Variants in COX7C observed in about 807,000 individuals in gnomAD.
COX7C encodes cytochrome c oxidase subunit 7C, mitochondrial.
COX7C carries 1 observed loss-of-function variant against 6.4 expected under a neutral mutation model. The ratio of observed to expected loss-of-function variants is 0.16; its 90% confidence interval spans 0.06 to 0.74. The LOEUF is 0.74. Among genes scored for constraint, COX7C ranks in the 30% least tolerant of loss-of-function variants. COX7C has a pLI of 0.78. For synonymous variants in COX7C, 24 were observed against 28.9 expected, an observed-to-expected ratio of 0.83 and a Z score of 0.54; for missense variants, 54 against 73.7, an observed-to-expected ratio of 0.73 and a Z score of 0.98.
intron 1 of COX7C, among the ~76,000 whole-genome samples, chr5:86,618,520 G>A (rs909741544): frequency 6.6e-6 from 1 of 152,198 alleles, no homozygotes; most frequent in African/African-American, 2.4e-5. Flanking sequence ...TATGGAACAG[G>A]CTTTTTAAAC....
Position 86,617,995 on chromosome 5 carries a change from A to G in COX7C, c.-61A>G. ...GGTCGTGAAAAAAAAGGTCTTGGTG[A>G]GGTGCCGCCATTTCATCTGTCCTCA... On this transcript the variant is annotated 5_prime_UTR_variant, in exon 1 of 3. Coordinates refer to ENST00000247655, the MANE Select transcript of COX7C (RefSeq NM_001867.3). 6.6e-7 allele frequency: 1 copy of G among 1,520,488 alleles called. No homozygotes were observed. 94.2% of individuals were successfully genotyped at this position (1,520,488 alleles called of 1,614,324 possible). A position where few individuals can be genotyped will look rare whatever the true frequency, so the allele number is the denominator to read the frequency against.
At position 86,619,513 on chromosome 5, in the gene COX7C, T is replaced by C. The variant is rs1750074466; in HGVS notation, c.*27+17T>C. The C allele has an allele frequency of 7.8e-7, 1 of 1,281,874 alleles. No individual in the cohort carries two copies. 79.4% of individuals were successfully genotyped at this position (1,281,874 alleles called of 1,614,324 possible). The stretch of plus-strand genomic sequence containing the variant: ...ATTTAACAGGTAGTTAGTGGATTTC[T>C]AATCATGTTAAAGCAGGCCTTTTTA... On this transcript the variant is annotated intron_variant, in intron 2 of 2. Transcript: ENST00000247655.
chr5:86,620,199 G>A (rs1378377920), intron 2 of COX7C: 1 of 152,396 alleles, frequency 6.6e-6, no homozygotes, highest in Non-Finnish European at 1.5e-5. Context: ...TCTTAAATGA[G>A]GATGATTTTA....
chr5:86,618,377 C>A, intron 1 of COX7C: 3 of 489,662 alleles, frequency 6.1e-6, no homozygotes, highest in Non-Finnish European at 1.1e-5. Flanking sequence ...CGCCCCCTCC[C>A]CCGCCCCGCA....
At chr5:86,618,978 C>CAA (rs368187717) in intron 1 of COX7C, among the ~76,000 whole-genome samples, 10 of 62,426 alleles carry the variant, frequency 1.6e-4, no homozygotes, top group African/African-American at 3.3e-4. Context: ...GACTCCGTCT[C>CAA]AAAAAAAAAA....
At chr5:86,619,889 T>C (rs1229982683) in intron 2 of COX7C, 2 of 164,788 alleles carry the variant, frequency 1.2e-5, no homozygotes, top group Admixed American at 1.1e-4. Context: ...GTAAAACTGA[T>C]AAACTGATTA....
chr5:86,620,582 T>A (rs1297350946), intron 2 of COX7C, 86 bp from the exon 3 acceptor site: 1 of 405,524 alleles, frequency 2.5e-6, no homozygotes, highest in Non-Finnish European at 5.2e-6. Context: ...CTCAAACTGA[T>A]AGAAAATATT....
Position 86,620,698 on chromosome 5 carries a change from C to G in COX7C, c.*58C>G. On this transcript the variant is annotated 3_prime_UTR_variant, in exon 3 of 3. Coordinates refer to ENST00000247655, the MANE Select transcript of COX7C (RefSeq NM_001867.3). The stretch of plus-strand genomic sequence containing the variant: ...AAGAGCATTTTAAGAGGTGCAGCCT[C>G]TGGAAGTGGATCAAACTAGAACTCA... 1 of 422,484 alleles carries G rather than the reference C, an allele frequency of 2.4e-6. No individual in the cohort carries two copies. Among genetic ancestry groups the G allele is most frequent in the Non-Finnish European group, 4.9e-6 (1 of 204,308 alleles). The allele number at this position is 422,484 out of a possible 1,614,324, so 26.2% of individuals were successfully genotyped here.
At chr5:86,618,170 C>T (rs375484709) in intron 1 of COX7C, 40 bp downstream of exon 1, 17 of 1,597,726 alleles carry the variant, frequency 1.1e-5, no homozygotes, top group Admixed American at 1.7e-5. Context: ...GGGGAGGGGG[C>T]GCTTGGCTGT....
intron 2 of COX7C, 125 bp downstream of exon 2, chr5:86,619,621 T>A: frequency 1.6e-6 from 1 of 638,860 alleles, no homozygotes; most frequent in Non-Finnish European, 2.8e-6. Flanking sequence ...TATGTGTAGA[T>A]GTGGCATTGG....
At chr5:86,618,872 C>G (rs557940864) in intron 1 of COX7C, among the ~76,000 whole-genome samples, 1 of 151,718 alleles carries the variant, frequency 6.6e-6, no homozygotes, top group African/African-American at 2.4e-5. Context: ...ATCCCAGCTA[C>G]TCGGGAGGCT....
chr5:86,620,478 T>C (rs1030457418), intron 2 of COX7C, 190 bp from the exon 3 acceptor site: 2 of 247,792 alleles, frequency 8.1e-6, no homozygotes, highest in Non-Finnish European at 1.8e-5. Flanking sequence ...GAATAACTTA[T>C]CCAAGCTACT....
chr5:86,618,477 T>C (rs919320716), intron 1 of COX7C: 4 of 283,182 alleles, frequency 1.4e-5, no homozygotes, highest in South Asian at 4.3e-5. Flanking sequence ...ATGAAGGTCA[T>C]TGGAAAATCA....
intron 1 of COX7C, 85 bp downstream of exon 1, chr5:86,618,215 G>A: frequency 7.8e-7 from 1 of 1,275,672 alleles, no homozygotes; most frequent in South Asian, 1.2e-5. Flanking sequence ...TCCGGGCTGT[G>A]GCGTGGGAGA....
Position 86,618,681 on chromosome 5 carries a change from AAAAC to A in COX7C, c.75+563_75+566del, listed in dbSNP as rs370858954. ...GGCCAGAGAAGGTGCTTGGTAATGA[AAAAC>A]AAACAAACAAAAAAAACTGTGGGCC... On this transcript the variant is annotated intron_variant, in intron 1 of 2. Coordinates refer to ENST00000247655, the MANE Select transcript of COX7C (RefSeq NM_001867.3). Among the ~76,000 whole-genome samples the A allele has an allele frequency of 1.3e-3, 193 of 152,294 alleles. 2 individuals are homozygous for A. The highest frequency in any genetic ancestry group is 4.0e-3 in the African/African-American group (167 of 41,566).
At chr5:86,618,350 C>G (rs1462562662) in intron 1 of COX7C, 1 of 524,648 alleles carries the variant, frequency 1.9e-6, no homozygotes, top group African/African-American at 1.9e-5. Context: ...GAAGCCCTGC[C>G]TCCATCAGCC....
In COX7C at chr5:86,620,796, A is replaced by C; in HGVS notation, c.*156A>C. The C allele has an allele frequency of 3.9e-6, 1 of 254,580 alleles. No homozygotes were observed. Among genetic ancestry groups the C allele is most frequent in the Non-Finnish European group, 8.6e-6 (1 of 116,544 alleles). The allele number at this position is 254,580 out of a possible 1,614,324, so 15.8% of individuals were successfully genotyped here. ...TAATGCCTCTTTTTTGAAATAGGGAATGTAATAATTGGCCATTTGCCTACT... is the reference window on the plus strand; with the variant it reads ...TAATGCCTCTTTTTTGAAATAGGGACTGTAATAATTGGCCATTTGCCTACT... On this transcript the variant is annotated 3_prime_UTR_variant, in exon 3 of 3. Transcript: ENST00000247655.
chr5:86,619,979 CTT>C (rs1561268703), intron 2 of COX7C: 1 of 152,878 alleles, frequency 6.5e-6, no homozygotes, highest in Non-Finnish European at 1.5e-5. Flanking sequence ...ATTTCCATTT[CTT>C]TTAGAAAGTG....
chr5:86,620,254 C>G (rs1352428248), intron 2 of COX7C: 2 of 152,440 alleles, frequency 1.3e-5, no homozygotes, highest in Non-Finnish European at 2.9e-5. Flanking sequence ...TTTGATCGTT[C>G]CAACTTGGGG....
Sources: allele counts gnomAD v4.1 joint callset (sites outside exome capture counted in the v4.1 genomes callset), GRCh38; gene constraint gnomAD v4.1.1; transcripts MANE v1.5; gene names NCBI Gene and HGNC (gene_info 2026-07-23, HGNC 2026-07-21).